GON4L: variants seen among roughly 807,000 people sequenced by gnomAD.
GON4L encodes the protein gon-4 like.
GON4L carries 87 observed loss-of-function variants against 211.8 expected under a neutral mutation model. The ratio of observed to expected loss-of-function variants is 0.41; its 90% CI spans 0.35 to 0.49. The LOEUF (loss-of-function observed/expected upper bound fraction) is 0.49, where lower values mean the gene tolerates loss of function less well. Ranked by LOEUF, GON4L falls within the 20% of genes least tolerant of loss-of-function variation. GON4L has a pLI of 0.15. For missense variants in GON4L, 2,155 were observed against 2,659.5 expected, an observed-to-expected ratio of 0.81 and a Z score of 4.17; for synonymous variants, 875 against 962.6, an observed-to-expected ratio of 0.91 and a Z score of 1.68.
intron 11 of GON4L, among the ~76,000 whole-genome samples, chr1:155,801,645 G>A (rs1333856802): frequency 6.6e-6 from 1 of 152,014 alleles, no homozygotes; most frequent in African/African-American, 2.4e-5. Context: ...CATTTTGGGA[G>A]GCCAAGGAGG....
At chr1:155,757,130 A>ACCC (rs1661272020) in intron 26 of GON4L, 50 bp downstream of exon 26, 1 of 1,613,594 alleles carries the variant, frequency 6.2e-7, no homozygotes, top group Non-Finnish European at 8.5e-7. Context: ...TATCCCTCCC[A>ACCC]CGTGTGGCCT....
At chr1:155,781,867 C>T (rs1210544365) in intron 14 of GON4L, among the ~76,000 whole-genome samples, 2 of 152,180 alleles carry the variant, frequency 1.3e-5, no homozygotes, top group East Asian at 1.9e-4. Flanking sequence ...AGTGTTTCTC[C>T]TGCCTCAGCC....
chr1:155,762,950 C>T (rs1285279960), intron 22 of GON4L, among the ~76,000 whole-genome samples: 1 of 151,746 alleles, frequency 6.6e-6, no homozygotes, highest in African/African-American at 2.4e-5. Context: ...GCAGGAGAAT[C>T]GCTTGAACCT....
intron 28 of GON4L, chr1:155,754,071 G>A (rs1660890889): frequency 5.0e-6 from 2 of 399,270 alleles, no homozygotes; most frequent in Non-Finnish European, 9.5e-6. Flanking sequence ...AGAGAACCAG[G>A]ATTACTTGTA....
intron 18 of GON4L, among the ~76,000 whole-genome samples, chr1:155,772,076 A>C (rs1765283): frequency 0.94 from 142,252 of 151,926 alleles, 67,360 homozygotes; most frequent in East Asian, 1. Flanking sequence ...ATCACTTGAA[A>C]CCGGGGGCGA....
intron 17 of GON4L, among the ~76,000 whole-genome samples, chr1:155,774,354 G>T (rs1376557819): frequency 1.3e-5 from 2 of 148,620 alleles, no homozygotes; most frequent in Admixed American, 1.4e-4. Flanking sequence ...TGTCGCCCAG[G>T]CTGGAGTGCA....
chr1:155,768,174 G>C (rs950570351), intron 19 of GON4L, among the ~76,000 whole-genome samples: 5 of 151,988 alleles, frequency 3.3e-5, no homozygotes, highest in African/African-American at 7.3e-5. Context: ...ATGGTGGCAC[G>C]CACCTGTAAT....
At chr1:155,769,283 T>C (rs1377672933) in intron 19 of GON4L, among the ~76,000 whole-genome samples, 1 of 152,064 alleles carries the variant, frequency 6.6e-6, no homozygotes, top group Non-Finnish European at 1.5e-5. Flanking sequence ...GCCTCAATTT[T>C]TAAAAATTTA....
At chr1:155,848,744 A>G (rs1051237596) in intron 2 of GON4L, among the ~76,000 whole-genome samples, 2 of 152,206 alleles carry the variant, frequency 1.3e-5, no homozygotes, top group Non-Finnish European at 2.9e-5. Flanking sequence ...TTTTAAACCA[A>G]AACTCAGAAC....
In GON4L at chr1:155,827,352, A is replaced by G. The variant is rs538707098; in HGVS notation, c.506-324T>C. ...TGACCATTAACACCATATTTCATCA[A>G]CTATAAATATAATCATAAAATGCCC... On this transcript the variant is annotated intron_variant, in intron 2 of 31. Transcript: ENST00000368331. Among the ~76,000 whole-genome samples, 253 of 152,330 alleles carry G rather than the reference A, an allele frequency of 1.7e-3. 1 individual carries two copies. Among genetic ancestry groups the G allele is most frequent in the South Asian group, 0.014 (69 of 4,828 alleles).
At chr1:155,747,533 TA>T (rs1660282070), downstream of GON4L, 1 of 1,596,542 alleles carries the variant, frequency 6.3e-7, no homozygotes, top group African/African-American at 1.7e-5. Flanking sequence ...GGAAGAGATG[TA>T]AGTCTTGGAT....
intron 12 of GON4L, among the ~76,000 whole-genome samples, chr1:155,791,469 A>T (rs1665546584): frequency 1.3e-5 from 2 of 151,514 alleles, no homozygotes; most frequent in Admixed American, 1.3e-4. Flanking sequence ...GAAACTTGAA[A>T]CTTTCCTATG....
intron 18 of GON4L, among the ~76,000 whole-genome samples, chr1:155,771,455 T>C (rs1353586537): frequency 6.6e-6 from 1 of 151,790 alleles, no homozygotes; most frequent in Non-Finnish European, 1.5e-5. Context: ...GCATGAGCCA[T>C]GGTGTGTGGC....
At position 155,821,505 on chromosome 1, in the gene GON4L, G is replaced by A. The variant is rs775621207; in HGVS notation, c.932C>T (p.Ala311Val). The change falls in exon 5 of 32, where the codon GCC (alanine) becomes GTC (valine). Residue 311 changes from alanine (A) to valine (V), a missense_variant. This residue lies in a region of GON4L where 551 missense variants were observed against 854.0 expected (regional missense o/e 0.65). Coordinates refer to ENST00000368331, the MANE Select transcript of GON4L (RefSeq NM_001282860.2). ...NEHVVAMMKAAISETEDMPMF... is the reference protein window; with the variant it reads ...NEHVVAMMKAVISETEDMPMF... ...TGGCATATCTTCCGTCTCACTGATG[G>A]CTGCTTTCATCATAGCTACCACGTG... is the stretch of plus-strand genomic sequence containing the variant. 1 of 1,604,602 alleles carries A rather than the reference G, an allele frequency of 6.2e-7. No homozygotes were observed. The highest frequency in any genetic ancestry group is 2.2e-5 in the East Asian group (1 of 44,792).
intron 10 of GON4L, 34 bp from the exon 11 acceptor site, chr1:155,805,175 G>A: frequency 6.9e-7 from 1 of 1,446,550 alleles, no homozygotes; most frequent in Non-Finnish European, 9.7e-7. Flanking sequence ...CACTGAGTGA[G>A]TGATGTTTCC....
At chr1:155,806,035 G>C (rs1667098171) in intron 10 of GON4L, among the ~76,000 whole-genome samples, 2 of 145,756 alleles carry the variant, frequency 1.4e-5, no homozygotes, top group Non-Finnish European at 3.0e-5. Flanking sequence ...TCTCACCCAG[G>C]CTACAGCACT....
At chr1:155,856,863 G>C (rs528779909) in intron 1 of GON4L, among the ~76,000 whole-genome samples, 1 of 150,024 alleles carries the variant, frequency 6.7e-6, no homozygotes, top group South Asian at 2.1e-4. Context: ...CACTTTTTTG[G>C]GAACCCAAGT....
At chr1:155,787,097 A>AT (rs11447826) in intron 12 of GON4L, among the ~76,000 whole-genome samples, 130,886 of 151,518 alleles carry the variant, frequency 0.86, 58,024 homozygotes, top group East Asian at 1. Context: ...AATTTTTTGT[A>AT]TTTTTTAGTA....
At position 155,762,094 on chromosome 1, in the gene GON4L, A is replaced by G. The variant is rs1293947715; in HGVS notation, c.4911+96T>C. The G allele has an allele frequency of 5.2e-6, 5 of 958,132 alleles. No homozygotes were observed. In the Admixed American group the frequency reaches 8.2e-5, roughly 16 times the overall value. The allele number at this position is 958,132 out of a possible 1,614,324, so 59.4% of individuals were successfully genotyped here. A position where few individuals can be genotyped will look rare whatever the true frequency, so the allele number is the denominator to read the frequency against. On this transcript the variant is annotated intron_variant, in intron 23 of 31. Coordinates refer to ENST00000368331, the MANE Select transcript of GON4L (RefSeq NM_001282860.2). ...TAGAGGAATATGAAGCCTGTTGCAT[A>G]GCCTGAAAAACAGACTTTATGTTGA...
Sources: allele counts gnomAD v4.1 joint callset (sites outside exome capture counted in the v4.1 genomes callset), GRCh38; gene constraint gnomAD v4.1.1; regional missense constraint gnomAD v4.1.1; transcripts MANE v1.5; gene names NCBI Gene and HGNC (gene_info 2026-07-23, HGNC 2026-07-21).